VEGFC: variants seen among roughly 807,000 people sequenced by gnomAD.
The protein encoded by VEGFC is FLT4 ligand DHM.
VEGFC carries 12 observed loss-of-function variants against 46.1 expected under a neutral mutation model. That is an observed-to-expected ratio of 0.26 (90% CI 0.17 to 0.42). The LOEUF (loss-of-function observed/expected upper bound fraction) is 0.42, where lower values mean the gene tolerates loss of function less well. Among genes scored for constraint, VEGFC ranks in the 10% least tolerant of loss-of-function variants. The pLI is 1.00. For missense variants in VEGFC, 488 were observed against 529.4 expected (o/e 0.92, Z 0.77); for synonymous variants, 232 against 195.5 (o/e 1.19, Z -1.56).
intron 3 of VEGFC, among the ~76,000 whole-genome samples, chr4:176,722,740 T>C (rs569542841): frequency 6.6e-6 from 1 of 152,194 alleles, no homozygotes; most frequent in South Asian, 2.1e-4. Flanking sequence ...GCTCAAGAGA[T>C]CTGCCTGTCT....
At chr4:176,723,721 G>A (rs964017687) in intron 3 of VEGFC, among the ~76,000 whole-genome samples, 2 of 145,358 alleles carry the variant, frequency 1.4e-5, no homozygotes, top group Non-Finnish European at 3.0e-5. Context: ...TTTAGGTTTG[G>A]GGGTGCATGT....
intron 4 of VEGFC, among the ~76,000 whole-genome samples, chr4:176,696,495 A>C (rs1486384621): frequency 1.3e-5 from 2 of 148,420 alleles, no homozygotes; most frequent in African/African-American, 5.1e-5. Context: ...GGATACAAAC[A>C]AATGGAAGAA....
Position 176,792,236 on chromosome 4 carries a change from G to A in VEGFC, c.76C>T (p.Pro26Ser). The change falls in exon 1 of 7, where the codon CCC (proline) becomes TCC (serine). Residue 26 changes from proline to serine, a missense_variant. Physicochemically the swap from Pro to Ser is moderately conservative, Grantham distance 74. Transcript: ENST00000618562. This position sits in a 1 kb window ranked among gnomAD's most constrained non-coding sequence, Gnocchi z 6.3. ...AALLPGPREA[P>S]AAAAAFESGL... is the part of the protein sequence containing the mutation. ...GACTCGAAGGCGGCGGCGGCGGCGG[G>A]CGCCTCGCGAGGACCCGGGAGCAGC... is the stretch of plus-strand genomic sequence containing the variant. 1 of 1,557,978 alleles carries A rather than the reference G, an allele frequency of 6.4e-7. No homozygotes were observed. Among genetic ancestry groups the A allele is most frequent in the Non-Finnish European group, 8.7e-7 (1 of 1,155,410 alleles).
intron 1 of VEGFC, among the ~76,000 whole-genome samples, chr4:176,751,152 T>C (rs1303855876): frequency 6.6e-6 from 1 of 151,810 alleles, no homozygotes. Context: ...AGGAAGGATT[T>C]AATCAAAGCA....
intron 3 of VEGFC, among the ~76,000 whole-genome samples, chr4:176,726,138 A>G (rs1203521946): frequency 6.6e-6 from 1 of 152,174 alleles, no homozygotes; most frequent in Non-Finnish European, 1.5e-5. Flanking sequence ...TGCTATGTCC[A>G]ATAGTATAAT....
chr4:176,740,086 TATATATTCTATAC>T (rs199547796), intron 1 of VEGFC, among the ~76,000 whole-genome samples: 77,846 of 107,604 alleles, frequency 0.72, 33,162 homozygotes, highest in East Asian at 0.94. Flanking sequence ...TTATATATTC[TATATATTCTATAC>T]ATATATTCTA....
chr4:176,754,972 C>A (rs1038828323), intron 1 of VEGFC, among the ~76,000 whole-genome samples: 1 of 152,012 alleles, frequency 6.6e-6, no homozygotes, highest in Non-Finnish European at 1.5e-5. Context: ...AGGGTCTGCA[C>A]CAACATATAC....
Position 176,752,651 on chromosome 4 carries a change from G to A in VEGFC, c.148-22905C>T, listed in dbSNP as rs144656018. Among the ~76,000 whole-genome samples the A allele has an allele frequency of 5.4e-3, 821 of 152,184 alleles. 6 individuals carry two copies. The highest frequency in any genetic ancestry group is 0.019 in the African/African-American group (785 of 41,534). On this transcript the variant is annotated intron_variant, in intron 1 of 6. Transcript: ENST00000618562. ...CCATGTAAGATGTAAATGTGCACAT[G>A]TACATGATAATGTAAGTTATATCAC...
At chr4:176,732,442 G>T (rs1579111588) in intron 1 of VEGFC, among the ~76,000 whole-genome samples, 1 of 151,844 alleles carries the variant, frequency 6.6e-6, no homozygotes, top group Non-Finnish European at 1.5e-5. Flanking sequence ...TAATCTGGGG[G>T]TCTCTTAGGT....
chr4:176,769,841 T>TAA (rs759274333), intron 1 of VEGFC, among the ~76,000 whole-genome samples: 4 of 152,188 alleles, frequency 2.6e-5, no homozygotes, highest in Non-Finnish European at 5.9e-5. Context: ...AATCCAGTTC[T>TAA]GATTTGGCAG....
chr4:176,722,483 CTTTTGTT>C (rs1734804238), intron 3 of VEGFC, among the ~76,000 whole-genome samples: 1 of 116,656 alleles, frequency 8.6e-6, no homozygotes, highest in East Asian at 3.0e-4. Flanking sequence ...TAATTTTTTT[CTTTTGTT>C]TTTTTTTTGT....
chr4:176,761,647 GC>G (rs1476187813), intron 1 of VEGFC, among the ~76,000 whole-genome samples: 1 of 152,154 alleles, frequency 6.6e-6, no homozygotes, highest in Non-Finnish European at 1.5e-5. Context: ...ATGTGTGTGG[GC>G]CCACGTGTAT....
intron 1 of VEGFC, among the ~76,000 whole-genome samples, chr4:176,789,919 G>A (rs546485770): frequency 1.3e-5 from 2 of 152,204 alleles, no homozygotes; most frequent in South Asian, 4.2e-4. Flanking sequence ...TGAAAACATT[G>A]CATCTATTGG....
chr4:176,692,559 C>G (rs1316066955), intron 4 of VEGFC, among the ~76,000 whole-genome samples: 1 of 134,514 alleles, frequency 7.4e-6, no homozygotes, highest in Non-Finnish European at 1.5e-5. Flanking sequence ...GAGGGACGCC[C>G]GCCATTGCCC....
chr4:176,758,670 TCTAACCCTAGTG>T (rs767191989), intron 1 of VEGFC, among the ~76,000 whole-genome samples: 4 of 152,154 alleles, frequency 2.6e-5, no homozygotes, highest in Non-Finnish European at 4.4e-5. Context: ...GGGCTCCTCT[TCTAACCCTAGTG>T]ATTACTTTAG....
At chr4:176,684,834 T>C (rs1019104981) in intron 6 of VEGFC, among the ~76,000 whole-genome samples, 30 of 152,300 alleles carry the variant, frequency 2.0e-4, no homozygotes, top group Admixed American at 1.9e-3. Context: ...CAAGCCATTC[T>C]TGTGTCTCAG....
At chr4:176,694,990 G>A (rs1734282044) in intron 4 of VEGFC, among the ~76,000 whole-genome samples, 1 of 133,484 alleles carries the variant, frequency 7.5e-6, no homozygotes, top group East Asian at 2.1e-4. Flanking sequence ...GTGTGTAGAG[G>A]GAAATTTATA....
intron 3 of VEGFC, among the ~76,000 whole-genome samples, chr4:176,719,040 T>C (rs146651545): frequency 3.3e-5 from 5 of 152,316 alleles, no homozygotes; most frequent in African/African-American, 7.2e-5. Flanking sequence ...GTGGAGAACT[T>C]TGAAGCAGTT....
At chr4:176,774,326 A>T (rs1735774981) in intron 1 of VEGFC, among the ~76,000 whole-genome samples, 1 of 152,140 alleles carries the variant, frequency 6.6e-6, no homozygotes, top group African/African-American at 2.4e-5. Flanking sequence ...AAAAATTATG[A>T]GAATTAACTT....
Sources: gnomAD v4.1 joint callset for allele counts (sites outside exome capture counted in the v4.1 genomes callset) on GRCh38, gnomAD v4.1.1 for gene constraint, Gnocchi (gnomAD v3.1) non-coding constraint, MANE v1.5 for transcripts, NCBI Gene and HGNC (gene_info 2026-07-23, HGNC 2026-07-21) for gene names.